Variants in NTN1 observed in about 807,000 individuals in gnomAD.
NTN1 encodes the protein netrin-1.
In NTN1, 11 loss-of-function variants were observed where a neutral mutation model predicts 54.2. That is an observed-to-expected ratio of 0.20 (90% CI 0.13 to 0.34). NTN1 has a LOEUF of 0.34. Among genes scored for constraint, NTN1 ranks in the 10% least tolerant of loss-of-function variants. The pLI, the probability that NTN1 is intolerant of heterozygous loss-of-function variation, is 1.00. For missense variants in NTN1, 740 were observed against 893.1 expected, an observed-to-expected ratio of 0.83 and a Z score of 2.18; for synonymous variants, 371 against 382.0, an observed-to-expected ratio of 0.97 and a Z score of 0.33.
At chr17:9,159,527 C>T (rs961028100) in intron 2 of NTN1, among the ~76,000 whole-genome samples, 4 of 152,128 alleles carry the variant, frequency 2.6e-5, no homozygotes, top group African/African-American at 4.8e-5. Context: ...AAGGGCTGGG[C>T]GCAGTGGCTC....
intron 2 of NTN1, among the ~76,000 whole-genome samples, chr17:9,146,462 G>A (rs1439847805): frequency 1.3e-5 from 2 of 152,168 alleles, no homozygotes; most frequent in African/African-American, 4.8e-5. Flanking sequence ...GCCCATTTTG[G>A]GGGTGAGTCC....
rs1597550202 is a variant in NTN1 at position 9,228,416 on chromosome 17, C to G, written c.1486+7174C>G. On this transcript the variant is annotated intron_variant, in intron 6 of 6. Transcript: ENST00000173229. Reference sequence around the variant, plus strand: ...AGGCTGGTGTTGGCCTCATCAGTTGCATCTGTGTGCCGAAGCCACTCTGAC... The same window carrying G: ...AGGCTGGTGTTGGCCTCATCAGTTGGATCTGTGTGCCGAAGCCACTCTGAC... 3.3e-5 allele frequency among the ~76,000 whole-genome samples: 5 copies of G among 152,282 alleles called. No homozygotes were observed. In the South Asian group the frequency reaches 1.0e-3, roughly 32 times the overall value.
chr17:9,236,127 G>GGGT (rs1905980432), intron 6 of NTN1, among the ~76,000 whole-genome samples: 1 of 103,696 alleles, frequency 9.6e-6, no homozygotes, highest in South Asian at 3.6e-4. Context: ...AAGAATTTGG[G>GGGT]GGGGGGGGTA....
At chr17:9,213,056 G>C (rs957093766) in intron 5 of NTN1, among the ~76,000 whole-genome samples, 2 of 152,224 alleles carry the variant, frequency 1.3e-5, no homozygotes, top group African/African-American at 4.8e-5. Context: ...CGCTGGGATT[G>C]GGCCTGCAGG....
At chr17:9,014,876 C>T in the NTN1 span, among the ~76,000 whole-genome samples, 1 of 152,226 alleles carries the variant, frequency 6.6e-6, no homozygotes, top group Non-Finnish European at 1.5e-5. Flanking sequence ...CCCACAGGTT[C>T]TGACTAAGAG....
chr17:9,033,710 G>A (rs1476356878), intron 2 of NTN1, among the ~76,000 whole-genome samples: 1 of 152,210 alleles, frequency 6.6e-6, no homozygotes, highest in African/African-American at 2.4e-5. Flanking sequence ...CTGAGGTTGG[G>A]AGTTCGAGAC....
intron 2 of NTN1, among the ~76,000 whole-genome samples, chr17:9,072,366 T>C (rs533975516): frequency 6.6e-6 from 1 of 152,258 alleles, no homozygotes; most frequent in Non-Finnish European, 1.5e-5. Context: ...TATTCTGATT[T>C]TGTGGGCTTG....
chr17:9,162,397 C>T (rs931879678), intron 2 of NTN1, among the ~76,000 whole-genome samples: 7 of 152,220 alleles, frequency 4.6e-5, no homozygotes, highest in African/African-American at 7.2e-5. Flanking sequence ...TGCAGATGGC[C>T]GCCCTCTGGC....
At chr17:9,205,139 A>G (rs553529966) in intron 5 of NTN1, among the ~76,000 whole-genome samples, 1 of 152,302 alleles carries the variant, frequency 6.6e-6, no homozygotes, top group African/African-American at 2.4e-5. Context: ...AACTTCTTGA[A>G]TGTGGCCCAC....
chr17:9,022,709 C>T lies in NTN1; in HGVS notation c.336C>T (p.Asn112=). 6.2e-7 allele frequency: 1 copy of T among 1,601,660 alleles called. No homozygotes were observed. The highest frequency in any genetic ancestry group is 8.5e-7 in the Non-Finnish European group (1 of 1,175,066). The change falls in exon 2 of 7, where the codon AAC becomes AAT. Residue 112 remains asparagine, a synonymous_variant. Coordinates refer to ENST00000173229, the MANE Select transcript of NTN1 (RefSeq NM_004822.3). ...CGCCCGCCTTCCTCACCGACCTCAA[C>T]AACCCGCACAACCTGACGTGCTGGC... is the stretch of plus-strand genomic sequence containing the variant. ...AHPPAFLTDL[N]NPHNLTCWQS... is the part of the protein sequence containing the mutation.
chr17:9,066,700 T>C (rs1567701953), intron 2 of NTN1, among the ~76,000 whole-genome samples: 1 of 151,744 alleles, frequency 6.6e-6, no homozygotes, highest in Non-Finnish European at 1.5e-5. Context: ...GTAAGCAATA[T>C]TACAAATGGC....
chr17:9,200,492 C>T (rs911960768), intron 5 of NTN1, among the ~76,000 whole-genome samples: 6 of 152,220 alleles, frequency 3.9e-5, no homozygotes, highest in African/African-American at 9.6e-5. Flanking sequence ...GCCTTTTCTG[C>T]AATTTGGAAG....
intron 2 of NTN1, among the ~76,000 whole-genome samples, chr17:9,118,553 A>C (rs910141691): frequency 6.6e-6 from 1 of 152,184 alleles, no homozygotes; most frequent in Non-Finnish European, 1.5e-5. Context: ...AGTGGTTTTC[A>C]GTATATTCAG....
intron 2 of NTN1, among the ~76,000 whole-genome samples, chr17:9,151,037 G>A (rs1292676596): frequency 6.6e-6 from 1 of 152,110 alleles, no homozygotes; most frequent in African/African-American, 2.4e-5. Flanking sequence ...CAGGGACCAC[G>A]TCCATCAGTT....
At chr17:9,190,068 C>A (rs770880393) in intron 5 of NTN1, among the ~76,000 whole-genome samples, 1 of 152,198 alleles carries the variant, frequency 6.6e-6, no homozygotes, top group Non-Finnish European at 1.5e-5. Flanking sequence ...AGCCGTTAAA[C>A]AATTAACGTA....
rs528515431 is a variant in NTN1, at chr17:9,202,507, C to T, written c.1412-18661C>T. Among the ~76,000 whole-genome samples the T allele has an allele frequency of 5.3e-5, 8 of 152,288 alleles. No homozygotes were observed. The South Asian group carries it at 8.3e-4, about 16-fold the overall frequency. ...ATTCATTACTTTCCTAAAGCAAACC[C>T]GATACCTTTATTCTCCATGTGAGAA... On this transcript the variant is annotated intron_variant, in intron 5 of 6. Transcript: ENST00000173229.
At chr17:9,209,752 A>G (rs1043214384) in intron 5 of NTN1, among the ~76,000 whole-genome samples, 1 of 152,154 alleles carries the variant, frequency 6.6e-6, no homozygotes, top group African/African-American at 2.4e-5. Context: ...CGGTATAAAA[A>G]ACTCACACCC....
intron 2 of NTN1, among the ~76,000 whole-genome samples, chr17:9,040,575 A>G (rs985350623): frequency 3.3e-5 from 5 of 152,102 alleles, no homozygotes; most frequent in African/African-American, 1.2e-4. Context: ...CAATACTTGT[A>G]CTATTTATTT....
At chr17:9,003,846 G>A in the NTN1 span, among the ~76,000 whole-genome samples, 1 of 151,892 alleles carries the variant, frequency 6.6e-6, no homozygotes, top group Non-Finnish European at 1.5e-5. The surrounding 1 kb of genome is among the most constrained non-coding windows in gnomAD (Gnocchi z 7.4). Context: ...GCCATTCGCC[G>A]AGCGCTCAAA....
Sources: gnomAD v4.1 joint callset for allele counts (sites outside exome capture counted in the v4.1 genomes callset) on GRCh38, gnomAD v4.1.1 for gene constraint, Gnocchi (gnomAD v3.1) non-coding constraint, MANE v1.5 for transcripts, NCBI Gene and HGNC (gene_info 2026-07-23, HGNC 2026-07-21) for gene names.